FBXL4: variants seen among roughly 807,000 people sequenced by gnomAD.
The protein encoded by FBXL4 is F-box/LRR-repeat protein 4.
A neutral mutation model predicts 58.9 loss-of-function variants in FBXL4; 40 were observed. The observed-to-expected ratio is 0.68, with a 90% CI of 0.53 to 0.88. FBXL4 has a LOEUF of 0.88. FBXL4 is among the 40% of genes least tolerant of loss of function. FBXL4 has a pLI of 0.00. For synonymous variants in FBXL4, 263 were observed against 265.5 expected, an observed-to-expected ratio of 0.99 and a Z score of 0.09; for missense variants, 676 against 734.4, an observed-to-expected ratio of 0.92 and a Z score of 0.92.
intron 1 of FBXL4, among the ~76,000 whole-genome samples, chr6:98,945,096 C>A (rs1773573130): frequency 6.6e-6 from 1 of 152,210 alleles, no homozygotes; most frequent in Non-Finnish European, 1.5e-5. Flanking sequence ...TTGAGGAGCA[C>A]TTTGGCAGAA....
intron 7 of FBXL4, chr6:98,898,650 T>C (rs1771492048): frequency 2.0e-6 from 2 of 984,868 alleles, no homozygotes; most frequent in Admixed American, 6.2e-5. Context: ...TAGTGCTAGG[T>C]AGTTTGTAAA....
chr6:98,890,777 G>T (rs528336180), intron 7 of FBXL4, among the ~76,000 whole-genome samples: 1 of 152,194 alleles, frequency 6.6e-6, no homozygotes, highest in East Asian at 1.9e-4. Context: ...AAATCAGCCG[G>T]GCATGGTGGC....
intron 5 of FBXL4, among the ~76,000 whole-genome samples, chr6:98,916,422 G>T (rs1282527419): frequency 6.6e-6 from 1 of 152,148 alleles, no homozygotes; most frequent in African/African-American, 2.4e-5. Flanking sequence ...CAACCCAAAT[G>T]TCCAACAATG....
At position 98,926,943 on chromosome 6, in the gene FBXL4, A is replaced by G. The variant is rs756533557; in HGVS notation, c.46T>C (p.Tyr16His). Residue 16 changes from tyrosine (Y) to histidine (H), a missense_variant, in exon 4 of 10, where the codon TAT (tyrosine) becomes CAT (histidine). Transcript: ENST00000369244. ...CTGGCTCGGCGCCGAAGGCATATAT[A>G]ATAAAACATGGTCAGAACTGTTAAC... Reference protein sequence around the residue: ...PMLTVLTMFYYICLRRRARTA... With the variant: ...PMLTVLTMFYHICLRRRARTA... 2 of 1,614,166 alleles carry G rather than the reference A, an allele frequency of 1.2e-6. No individual in the cohort carries two copies. Among genetic ancestry groups the G allele is most frequent in the East Asian group, 2.2e-5 (1 of 44,882 alleles).
At chr6:98,885,756 C>A (rs1168357353) in intron 7 of FBXL4, among the ~76,000 whole-genome samples, 1 of 152,180 alleles carries the variant, frequency 6.6e-6, no homozygotes, top group Non-Finnish European at 1.5e-5. Context: ...TTGAGACTTG[C>A]CAGCCTCATA....
At chr6:98,887,631 G>C (rs1771084276) in intron 7 of FBXL4, among the ~76,000 whole-genome samples, 1 of 152,002 alleles carries the variant, frequency 6.6e-6, no homozygotes, top group Non-Finnish European at 1.5e-5. Flanking sequence ...AAAATCCTCA[G>C]CTTGAAAAGG....
At chr6:98,943,598 A>AAAG (rs1773513550) in intron 1 of FBXL4, among the ~76,000 whole-genome samples, 1 of 151,634 alleles carries the variant, frequency 6.6e-6, no homozygotes, top group Non-Finnish European at 1.5e-5. Context: ...AAAAAAAAAA[A>AAAG]AAGAAGACAA....
At chr6:98,890,453 T>C (rs1582381790) in intron 7 of FBXL4, among the ~76,000 whole-genome samples, 1 of 152,318 alleles carries the variant, frequency 6.6e-6, no homozygotes, top group East Asian at 1.9e-4. Context: ...GTATATTCAC[T>C]AAATGAAAAT....
intron 2 of FBXL4, 142 bp from the exon 3 acceptor site, chr6:98,927,964 AT>A (rs888399547): frequency 1.3e-5 from 2 of 152,216 alleles, no homozygotes; most frequent in African/African-American, 4.8e-5. Flanking sequence ...TAAATAATGT[AT>A]TTTTTAAATG....
chr6:98,945,853 T>C (rs1415944234), intron 1 of FBXL4, among the ~76,000 whole-genome samples: 2 of 152,188 alleles, frequency 1.3e-5, no homozygotes, highest in Admixed American at 6.5e-5. Flanking sequence ...TGCTTCTCTA[T>C]GTAACTGTAA....
Position 98,874,325 on chromosome 6 carries a change from T to C in FBXL4, c.1819A>G (p.Asn607Asp). Residue 607 changes from asparagine to aspartate, a missense_variant, in exon 10 of 10, where the codon AAT becomes GAT. Transcript: ENST00000369244. ...ATGAACACTTTTGGAAAGCTTGCAT[T>C]CAGTTCTAGCACAGCTCTGTTATCA... is the stretch of plus-strand genomic sequence containing the variant. ...QIDNRAVLEL[N>D]ASFPKVFIKK... 1.2e-6 allele frequency: 2 copies of C among 1,607,460 alleles called. No homozygotes were observed. Among genetic ancestry groups the C allele is most frequent in the Non-Finnish European group, 1.7e-6 (2 of 1,178,100 alleles).
intron 7 of FBXL4, among the ~76,000 whole-genome samples, chr6:98,891,722 C>CAA (rs34788813): frequency 9.2e-5 from 10 of 108,384 alleles, no homozygotes; most frequent in African/African-American, 1.9e-4. Flanking sequence ...CTATCTCTAC[C>CAA]AAAAAAAAAA....
At chr6:98,880,521 T>C (rs749419622) in intron 8 of FBXL4, 32 bp downstream of exon 8, 2 of 1,568,902 alleles carry the variant, frequency 1.3e-6, no homozygotes, top group Non-Finnish European at 8.8e-7. Context: ...GAACAAGTAA[T>C]TGAGTAGTAT....
chr6:98,880,453 G>T, intron 8 of FBXL4, 100 bp downstream of exon 8: 1 of 883,308 alleles, frequency 1.1e-6, no homozygotes, highest in Non-Finnish European at 1.9e-6. Context: ...CTGAAAAACT[G>T]TGGGTGTGTG....
intron 4 of FBXL4, among the ~76,000 whole-genome samples, chr6:98,926,181 T>C (rs2128405248): frequency 6.6e-6 from 1 of 152,298 alleles, no homozygotes; most frequent in African/African-American, 2.4e-5. Context: ...CGTACTAACG[T>C]CCCAGAATGG....
Position 98,898,300 on chromosome 6 carries a change from A to G in FBXL4, c.1317+968T>C, listed in dbSNP as rs186926267. Reference sequence around the variant, plus strand: ...TATGCATGCAGCAGAGGGAAAAAGTATATGACAAACAGTATGTACTACAGG... The same window carrying G: ...TATGCATGCAGCAGAGGGAAAAAGTGTATGACAAACAGTATGTACTACAGG... On this transcript the variant is annotated intron_variant, in intron 7 of 9. Coordinates refer to ENST00000369244, the MANE Select transcript of FBXL4 (RefSeq NM_001278716.2). 1.2e-4 allele frequency: 119 copies of G among 985,426 alleles called. No homozygotes were observed. In the African/African-American group the frequency reaches 2.0e-3, roughly 17 times the overall value. The allele number at this position is 985,426 out of a possible 1,614,324, so 61.0% of individuals were successfully genotyped here. A position where few individuals can be genotyped will look rare whatever the true frequency, so the allele number is the denominator to read the frequency against.
intron 1 of FBXL4, among the ~76,000 whole-genome samples, chr6:98,938,171 T>C (rs2128411519): frequency 6.6e-6 from 1 of 152,242 alleles, no homozygotes; most frequent in African/African-American, 2.4e-5. Flanking sequence ...GTTTGAGTCT[T>C]GATGGCCTTC....
intron 1 of FBXL4, among the ~76,000 whole-genome samples, chr6:98,945,360 T>C (rs1773582662): frequency 6.6e-6 from 1 of 152,212 alleles, no homozygotes; most frequent in Admixed American, 6.5e-5. Context: ...GAAGGATGTT[T>C]ATCAATTATT....
At chr6:98,921,395 T>C (rs1016484226) in intron 4 of FBXL4, among the ~76,000 whole-genome samples, 3 of 151,152 alleles carry the variant, frequency 2.0e-5, no homozygotes, top group Non-Finnish European at 4.4e-5. Context: ...AAATTTATCC[T>C]AGCCAGTAAG....
Sources: allele counts gnomAD v4.1 joint callset (sites outside exome capture counted in the v4.1 genomes callset), GRCh38; gene constraint gnomAD v4.1.1; transcripts MANE v1.5; gene names NCBI Gene and HGNC (gene_info 2026-07-23, HGNC 2026-07-21).